TMEFF2: variants seen among roughly 807,000 people sequenced by gnomAD.
TMEFF2 encodes the protein tomoregulin-2.
In TMEFF2, 28 loss-of-function variants were observed where a neutral mutation model predicts 53.8. The ratio of observed to expected loss-of-function variants is 0.52; its 90% confidence interval spans 0.39 to 0.71. The LOEUF (loss-of-function observed/expected upper bound fraction) is 0.71, where lower values mean the gene tolerates loss of function less well. TMEFF2 is among the 30% of genes least tolerant of loss of function. The probability of loss-of-function intolerance (pLI) is 0.00; values close to 1 mark genes in which losing one functional copy is unlikely to be tolerated. For missense variants in TMEFF2, 353 were observed against 455.2 expected (o/e 0.78, Z 2.04); for synonymous variants, 162 against 166.3 (o/e 0.97, Z 0.20).
chr2:192,085,734 G>T (rs1416182705), intron 4 of TMEFF2, among the ~76,000 whole-genome samples: 1 of 150,796 alleles, frequency 6.6e-6, no homozygotes, highest in Non-Finnish European at 1.5e-5. Flanking sequence ...CACAAAAGAG[G>T]TAATTTCAGA....
rs146217004 is a variant in TMEFF2, at chr2:192,110,098, G to A, written c.440-52323C>T. ...ATGTCTGGATGATGAAGATGAGCCA[G>A]CAAAAAGAGACAGAGAAGTAGTTAT... On this transcript the variant is annotated intron_variant, in intron 4 of 9. Transcript: ENST00000272771. 5.3e-5 allele frequency among the ~76,000 whole-genome samples: 8 copies of A among 152,176 alleles called. No homozygotes were observed. The East Asian group carries it at 1.5e-3, about 29-fold the overall frequency.
chr2:191,978,697 A>C (rs1685786771), intron 7 of TMEFF2, among the ~76,000 whole-genome samples: 1 of 152,166 alleles, frequency 6.6e-6, no homozygotes, highest in Admixed American at 6.5e-5. Context: ...TATGCTTTTT[A>C]GCACCTAAAA....
chr2:192,015,515 T>C (rs1201996526), intron 5 of TMEFF2, among the ~76,000 whole-genome samples: 1 of 152,118 alleles, frequency 6.6e-6, no homozygotes, highest in Non-Finnish European at 1.5e-5. Flanking sequence ...AGAATGATTA[T>C]CATATTCACG....
intron 4 of TMEFF2, among the ~76,000 whole-genome samples, chr2:192,116,519 A>T (rs1689410507): frequency 6.6e-6 from 1 of 151,948 alleles, no homozygotes; most frequent in South Asian, 2.1e-4. Flanking sequence ...AAAATAAATG[A>T]ATCAATTCAA....
At chr2:192,057,834 C>A in intron 4 of TMEFF2, 59 bp from the exon 5 acceptor site, 1 of 1,334,236 alleles carries the variant, frequency 7.5e-7, no homozygotes, top group South Asian at 1.2e-5. Context: ...ATCTACAACT[C>A]CAGGACAATT....
chr2:191,981,296 C>T (rs535759550), intron 7 of TMEFF2, among the ~76,000 whole-genome samples: 20 of 150,654 alleles, frequency 1.3e-4, no homozygotes, highest in Non-Finnish European at 2.5e-4. Flanking sequence ...CTCACTGAAG[C>T]CTCTTTGCCT....
chr2:192,165,887 C>T (rs1352237896), intron 4 of TMEFF2, among the ~76,000 whole-genome samples: 1 of 152,084 alleles, frequency 6.6e-6, no homozygotes, highest in Non-Finnish European at 1.5e-5. Flanking sequence ...GGAAGTTAGA[C>T]AAATATCTCT....
chr2:192,183,048 T>C (rs979340656), intron 3 of TMEFF2, among the ~76,000 whole-genome samples: 1 of 151,970 alleles, frequency 6.6e-6, no homozygotes, highest in Admixed American at 6.6e-5. Context: ...AATGACCTGT[T>C]TGCTTTAGCA....
rs543555046 is a variant in TMEFF2, at chr2:192,132,120, C to G, written c.439+47548G>C. ...CCTCTCCCCTCCTCGCCAGGCCAAG[C>G]TAGGCCCCAATTCTTCCTCAGCCTC... On this transcript the variant is annotated intron_variant, in intron 4 of 9. Coordinates refer to ENST00000272771, the MANE Select transcript of TMEFF2 (RefSeq NM_016192.4). Among the ~76,000 whole-genome samples the G allele has an allele frequency of 7.2e-5, 11 of 152,260 alleles. No individual in the cohort carries two copies. The East Asian group carries it at 2.1e-3, about 29-fold the overall frequency.
chr2:192,194,654 G>A lies in TMEFF2; in HGVS notation c.-130C>T, dbSNP rs543861239. The A allele has an allele frequency of 3.9e-6, 4 of 1,014,616 alleles. No individual in the cohort carries two copies. The highest frequency in any genetic ancestry group is 3.2e-5 in the African/African-American group (2 of 62,544). The allele number at this position is 1,014,616 out of a possible 1,614,324, so 62.9% of individuals were successfully genotyped here. A position where few individuals can be genotyped will look rare whatever the true frequency, so the allele number is the denominator to read the frequency against. ...GGCGGCGGCGGTGGCAGTGGCACCC[G>A]GCGGGGAAGCAGCAGCCAAACCCGC... is the stretch of plus-strand genomic sequence containing the variant. On this transcript the variant is annotated 5_prime_UTR_variant, in exon 1 of 10. Transcript: ENST00000272771. This position sits in a 1 kb window ranked among gnomAD's most constrained non-coding sequence, Gnocchi z 4.2.
At chr2:192,033,213 C>T (rs185499597) in intron 5 of TMEFF2, among the ~76,000 whole-genome samples, 1 of 152,190 alleles carries the variant, frequency 6.6e-6, no homozygotes, top group Admixed American at 6.5e-5. Flanking sequence ...ATACGTTCCT[C>T]CAAATCAGTA....
chr2:192,118,060 A>T (rs574686796), intron 4 of TMEFF2, among the ~76,000 whole-genome samples: 6 of 149,202 alleles, frequency 4.0e-5, no homozygotes, highest in Admixed American at 1.3e-4. Flanking sequence ...CCATTAATTA[A>T]AAAAAAAAAT....
At chr2:192,096,817 C>T (rs1351749059) in intron 4 of TMEFF2, among the ~76,000 whole-genome samples, 1 of 151,504 alleles carries the variant, frequency 6.6e-6, no homozygotes, top group African/African-American at 2.4e-5. Flanking sequence ...GCTGGGATTA[C>T]AGGCATCCAC....
chr2:192,165,231 C>G (rs1487853399), intron 4 of TMEFF2, among the ~76,000 whole-genome samples: 1 of 152,080 alleles, frequency 6.6e-6, no homozygotes, highest in Non-Finnish European at 1.5e-5. Flanking sequence ...CACATAAAGA[C>G]AGTGGAGAAA....
chr2:191,996,185 C>T (rs1287095357), intron 7 of TMEFF2, among the ~76,000 whole-genome samples: 1 of 151,844 alleles, frequency 6.6e-6, no homozygotes, highest in Non-Finnish European at 1.5e-5. Context: ...TTTGAGAGAT[C>T]AGTAGAATCT....
At chr2:192,070,345 G>GAACAA (rs1559112941) in intron 4 of TMEFF2, among the ~76,000 whole-genome samples, 2 of 151,636 alleles carry the variant, frequency 1.3e-5, no homozygotes, top group African/African-American at 4.8e-5. Context: ...GTTTTGTAGG[G>GAACAA]CTTCACTGCT....
intron 3 of TMEFF2, among the ~76,000 whole-genome samples, chr2:192,180,540 T>C (rs1452257600): frequency 6.6e-6 from 1 of 151,756 alleles, no homozygotes; most frequent in Admixed American, 6.6e-5. Context: ...CATTTGGTTA[T>C]GTATTTTAAT....
At chr2:192,119,400 C>T (rs1472256907) in intron 4 of TMEFF2, among the ~76,000 whole-genome samples, 1 of 152,026 alleles carries the variant, frequency 6.6e-6, no homozygotes, top group Admixed American at 6.6e-5. Flanking sequence ...GTTTTTCCAA[C>T]CAGATAGGTA....
At chr2:192,034,980 C>T (rs1331560579) in intron 5 of TMEFF2, 1 of 152,170 alleles carries the variant, frequency 6.6e-6, no homozygotes, top group Non-Finnish European at 1.5e-5. Flanking sequence ...TATCATTTGC[C>T]AACTTGATGT....
Sources: allele counts gnomAD v4.1 joint callset (sites outside exome capture counted in the v4.1 genomes callset), GRCh38; gene constraint gnomAD v4.1.1; non-coding constraint Gnocchi (gnomAD v3.1); transcripts MANE v1.5; gene names NCBI Gene and HGNC (gene_info 2026-07-23, HGNC 2026-07-21).